The following PRKACB variants were observed in gnomAD, a reference collection of about 807,000 sequenced individuals.
PRKACB encodes the protein protein kinase cAMP-activated catalytic subunit beta.
Under a neutral mutation model 51.4 loss-of-function variants are expected in PRKACB, and 16 were observed. The ratio of observed to expected loss-of-function variants is 0.31; its 90% CI spans 0.21 to 0.47. The LOEUF (loss-of-function observed/expected upper bound fraction) is 0.47, where lower values mean the gene tolerates loss of function less well. PRKACB is among the 20% of genes least tolerant of loss of function. PRKACB has a pLI of 1.00. For missense variants in PRKACB, 309 were observed against 464.5 expected, an observed-to-expected ratio of 0.67 and a Z score of 3.08; for synonymous variants, 147 against 154.4, an observed-to-expected ratio of 0.95 and a Z score of 0.35.
intron 1 of PRKACB, among the ~76,000 whole-genome samples, chr1:84,078,744 A>G (rs1325924626): frequency 6.6e-6 from 1 of 152,152 alleles, no homozygotes; most frequent in African/African-American, 2.4e-5. Flanking sequence ...TGGGAGCTAC[A>G]GGTAGTGCTG....
At chr1:84,105,160 C>T (rs2100822180) in intron 1 of PRKACB, among the ~76,000 whole-genome samples, 1 of 152,288 alleles carries the variant, frequency 6.6e-6, no homozygotes, top group African/African-American at 2.4e-5. Flanking sequence ...ATGTAGTCCT[C>T]ATGAGACATT....
chr1:84,146,119 A>C (rs1328225123), intron 1 of PRKACB, among the ~76,000 whole-genome samples: 1 of 149,028 alleles, frequency 6.7e-6, no homozygotes, highest in East Asian at 2.0e-4. Context: ...ATGAGCCATG[A>C]TTTCTATTGG....
intron 1 of PRKACB, among the ~76,000 whole-genome samples, chr1:84,088,599 C>T (rs1409224887): frequency 6.6e-6 from 1 of 152,134 alleles, no homozygotes; most frequent in African/African-American, 2.4e-5. Context: ...AGCTCAGCTC[C>T]CTCTGAGTAG....
intron 1 of PRKACB, among the ~76,000 whole-genome samples, chr1:84,155,713 A>G (rs2100666687): frequency 6.6e-6 from 1 of 152,192 alleles, no homozygotes; most frequent in East Asian, 1.9e-4. Flanking sequence ...GAGATTGAAT[A>G]TTACTTTCAT....
chr1:84,202,313 A>G (rs775247964), intron 7 of PRKACB, among the ~76,000 whole-genome samples: 1 of 152,048 alleles, frequency 6.6e-6, no homozygotes, highest in Non-Finnish European at 1.5e-5. Context: ...CTGTTTCATA[A>G]GATTATGGAC....
At chr1:84,142,179 G>A (rs1364078045), upstream of PRKACB, among the ~76,000 whole-genome samples, 1 of 151,888 alleles carries the variant, frequency 6.6e-6, no homozygotes, top group African/African-American at 2.4e-5. Context: ...TTTCATTTAT[G>A]AATTCAAGTA....
intron 5 of PRKACB, among the ~76,000 whole-genome samples, chr1:84,196,325 G>A (rs1168118759): frequency 6.6e-6 from 1 of 152,100 alleles, no homozygotes; most frequent in Non-Finnish European, 1.5e-5. Context: ...TAATTAGAAA[G>A]ACATCAATAT....
chr1:84,205,880 T>C (rs977787918), intron 8 of PRKACB, among the ~76,000 whole-genome samples: 5 of 152,086 alleles, frequency 3.3e-5, no homozygotes, highest in Non-Finnish European at 7.4e-5. Flanking sequence ...TACAAATTCA[T>C]AGTTGAAAGA....
chr1:84,152,858 C>T (rs1655008116), intron 1 of PRKACB, among the ~76,000 whole-genome samples: 1 of 152,126 alleles, frequency 6.6e-6, no homozygotes, highest in East Asian at 1.9e-4. Context: ...CTTTTAGTTT[C>T]CTTCAGTAAC....
intron 9 of PRKACB, among the ~76,000 whole-genome samples, chr1:84,225,918 C>G (rs12036564): frequency 0.2 from 30,006 of 152,096 alleles, 3,216 homozygotes; most frequent in South Asian, 0.3. Context: ...TCAGTGTTCT[C>G]TCTTAGAGGC....
chr1:84,093,474 G>A (rs1648679444), intron 1 of PRKACB, among the ~76,000 whole-genome samples: 1 of 151,888 alleles, frequency 6.6e-6, no homozygotes, highest in Admixed American at 6.6e-5. Flanking sequence ...CATTGGTTTT[G>A]TCTATTTTAG....
chr1:84,106,204 T>C (rs1364206132), intron 1 of PRKACB, among the ~76,000 whole-genome samples: 1 of 152,004 alleles, frequency 6.6e-6, no homozygotes, highest in East Asian at 1.9e-4. Flanking sequence ...ATATCCTGTT[T>C]AAAAGTATAT....
At chr1:84,123,235 A>G (rs1249000235) in intron 1 of PRKACB, among the ~76,000 whole-genome samples, 1 of 152,176 alleles carries the variant, frequency 6.6e-6, no homozygotes, top group African/African-American at 2.4e-5. Context: ...ATGGAGTTGT[A>G]GTTAATTTTG....
At chr1:84,212,319 G>A (rs1333795529) in intron 8 of PRKACB, among the ~76,000 whole-genome samples, 3 of 147,776 alleles carry the variant, frequency 2.0e-5, no homozygotes, top group Non-Finnish European at 2.9e-5. Flanking sequence ...TGATGTGCAT[G>A]GGTCCTAGGA....
chr1:84,176,539 TTATC>T (rs1661324035), intron 1 of PRKACB, among the ~76,000 whole-genome samples: 1 of 151,828 alleles, frequency 6.6e-6, no homozygotes, highest in Non-Finnish European at 1.5e-5. Flanking sequence ...ATAATTATGT[TTATC>T]TTTGCATCTA....
At chr1:84,180,208 A>ATATATATATATATATATATATATATG (rs933229907) in intron 2 of PRKACB, among the ~76,000 whole-genome samples, 3 of 129,936 alleles carry the variant, frequency 2.3e-5, no homozygotes, top group African/African-American at 8.1e-5. Flanking sequence ...ATATATATAT[A>ATATATATATATATATATATATATATG]TGTATGATGG....
chr1:84,095,577 G>A (rs1236160216), intron 1 of PRKACB, among the ~76,000 whole-genome samples: 4 of 151,228 alleles, frequency 2.6e-5, no homozygotes, highest in Non-Finnish European at 5.9e-5. Flanking sequence ...TTTTCTCTTT[G>A]CCTTTGGTTT....
chr1:84,225,372 G>C (rs939035158), intron 9 of PRKACB, among the ~76,000 whole-genome samples: 10 of 152,120 alleles, frequency 6.6e-5, no homozygotes, highest in Non-Finnish European at 1.5e-4. Context: ...GTATGCTTTG[G>C]CTTCCGGCCC....
chr1:84,089,232 C>T (rs1648263285), intron 1 of PRKACB, among the ~76,000 whole-genome samples: 2 of 152,248 alleles, frequency 1.3e-5, no homozygotes, highest in African/African-American at 4.8e-5. Context: ...ACATCCTCCT[C>T]CCTTTCCTCC....
Sources: gnomAD v4.1 joint callset for allele counts (sites outside exome capture counted in the v4.1 genomes callset) on GRCh38, gnomAD v4.1.1 for gene constraint, MANE v1.5 for transcripts, NCBI Gene and HGNC (gene_info 2026-07-23, HGNC 2026-07-21) for gene names.